The following GFOD2 variants were observed in gnomAD, a reference collection of about 807,000 sequenced individuals.
GFOD2 encodes the protein glucose-fructose oxidoreductase domain-containing protein 2.
A neutral mutation model predicts 24.6 loss-of-function variants in GFOD2; 9 were observed. The ratio of observed to expected loss-of-function variants is 0.37; its 90% CI spans 0.22 to 0.64. The LOEUF is 0.64. GFOD2 is among the 30% of genes least tolerant of loss of function. The pLI, the probability that GFOD2 is intolerant of heterozygous loss-of-function variation, is 0.65. For missense variants in GFOD2, 476 were observed against 532.5 expected (o/e 0.89, Z 1.04); for synonymous variants, 211 against 224.8 (o/e 0.94, Z 0.55).
intron 1 of GFOD2, among the ~76,000 whole-genome samples, chr16:67,698,225 C>A (rs1371260104): frequency 6.6e-6 from 1 of 152,164 alleles, no homozygotes; most frequent in African/African-American, 2.4e-5. Flanking sequence ...CTTTAGAGGA[C>A]CCCTCTCTCC....
At chr16:67,704,929 C>T (rs879552186) in intron 1 of GFOD2, among the ~76,000 whole-genome samples, 1 of 152,240 alleles carries the variant, frequency 6.6e-6, no homozygotes, top group African/African-American at 2.4e-5. Context: ...CCTGCCTCTG[C>T]TCCACAATGC....
At chr16:67,713,176 A>C (rs1455883074) in intron 1 of GFOD2, among the ~76,000 whole-genome samples, 1 of 151,642 alleles carries the variant, frequency 6.6e-6, no homozygotes, top group East Asian at 1.9e-4. Context: ...GAGCCGCCAC[A>C]CTGGCCAGAC....
chr16:67,692,947 G>A (rs1243555118), intron 1 of GFOD2, among the ~76,000 whole-genome samples: 3 of 149,818 alleles, frequency 2.0e-5, no homozygotes, highest in Admixed American at 6.6e-5. Context: ...GGAGAATGGC[G>A]TGAACCCAGG....
chr16:67,687,653 A>AG (rs2053278437), intron 1 of GFOD2, among the ~76,000 whole-genome samples: 2 of 150,586 alleles, frequency 1.3e-5, no homozygotes, highest in African/African-American at 4.9e-5. Context: ...AAAAAAAAAA[A>AG]AAAAAGAAAA....
chr16:67,700,031 C>T lies in GFOD2; in HGVS notation c.-87-14229G>A, dbSNP rs1299199348. On this transcript the variant is annotated intron_variant, in intron 1 of 2. Coordinates refer to ENST00000268797, the MANE Select transcript of GFOD2 (RefSeq NM_030819.4). The stretch of plus-strand genomic sequence containing the variant: ...TGGAGGTTGCAGTGAGCCATTTTTG[C>T]ACCACTACACTTCAGCCTGGGCAAC... Among the ~76,000 whole-genome samples, 4 of 151,908 alleles carry T rather than the reference C, an allele frequency of 2.6e-5. No individual in the cohort carries two copies. In the East Asian group the frequency reaches 7.8e-4, roughly 29 times the overall value.
chr16:67,687,406 C>T (rs1045623645), intron 1 of GFOD2, among the ~76,000 whole-genome samples: 4 of 151,346 alleles, frequency 2.6e-5, no homozygotes, highest in African/African-American at 7.3e-5. Flanking sequence ...TTTGGGAGGC[C>T]GAGGCGGGCG....
intron 1 of GFOD2, among the ~76,000 whole-genome samples, chr16:67,716,787 G>A (rs1465279157): frequency 6.6e-6 from 1 of 152,120 alleles, no homozygotes; most frequent in African/African-American, 2.4e-5. Context: ...AACTCCTGAG[G>A]TATTTATACA....
At chr16:67,709,995 G>C (rs148803827) in intron 1 of GFOD2, among the ~76,000 whole-genome samples, 1,767 of 152,086 alleles carry the variant, frequency 0.012, 29 homozygotes, top group African/African-American at 0.035. Flanking sequence ...ACCCAGGCTG[G>C]AGTGCAGTGG....
rs2053242667 is a variant in GFOD2, at chr16:67,683,415, A to C, written c.259+2042T>G. 3 of 1,229,036 alleles carry C rather than the reference A, an allele frequency of 2.4e-6. No individual in the cohort carries two copies. The African/African-American group carries it at 4.7e-5, about 19-fold the overall frequency. 76.1% of individuals were successfully genotyped at this position (1,229,036 alleles called of 1,614,324 possible). A position where few individuals can be genotyped will look rare whatever the true frequency, so the allele number is the denominator to read the frequency against. Reference sequence around the variant, plus strand: ...TGCATTCAAGCCACAAGGGATGGCAAGGAGTCAAGTGACCAATAGCGGCTT... The same window carrying C: ...TGCATTCAAGCCACAAGGGATGGCACGGAGTCAAGTGACCAATAGCGGCTT... On this transcript the variant is annotated intron_variant, in intron 2 of 2. Transcript: ENST00000268797.
intron 1 of GFOD2, among the ~76,000 whole-genome samples, chr16:67,709,212 G>A (rs541711224): frequency 8.5e-5 from 13 of 152,108 alleles, no homozygotes; most frequent in African/African-American, 3.1e-4. Context: ...GGAGACTGGG[G>A]TGGGAGGATC....
intron 1 of GFOD2, among the ~76,000 whole-genome samples, chr16:67,693,168 G>A (rs768294327): frequency 3.3e-4 from 50 of 152,274 alleles, no homozygotes; most frequent in Middle Eastern, 3.4e-3. Context: ...ACCATCACAA[G>A]CTCCCTGATC....
At chr16:67,691,510 C>CG (rs2053313366) in intron 1 of GFOD2, among the ~76,000 whole-genome samples, 2 of 144,696 alleles carry the variant, frequency 1.4e-5, no homozygotes, top group African/African-American at 5.4e-5. Flanking sequence ...GTGCCTAGAC[C>CG]CCCCCCCAAA....
At chr16:67,698,367 T>C (rs1274741698) in intron 1 of GFOD2, among the ~76,000 whole-genome samples, 1 of 152,242 alleles carries the variant, frequency 6.6e-6, no homozygotes, top group Non-Finnish European at 1.5e-5. Flanking sequence ...ACTCACACTA[T>C]TGTGAATAAT....
intron 1 of GFOD2, among the ~76,000 whole-genome samples, chr16:67,689,037 C>T (rs1020431847): frequency 4.2e-5 from 6 of 143,292 alleles, no homozygotes; most frequent in Non-Finnish European, 9.2e-5. Flanking sequence ...CCGAGCCTGA[C>T]CTACTTTTTG....
At chr16:67,700,879 A>G (rs1225227714) in intron 1 of GFOD2, among the ~76,000 whole-genome samples, 1 of 151,284 alleles carries the variant, frequency 6.6e-6, no homozygotes, top group Admixed American at 6.6e-5. Flanking sequence ...CTAGAAAAAA[A>G]AAAAAAAATT....
chr16:67,679,948 G>T (rs906422766), intron 2 of GFOD2, among the ~76,000 whole-genome samples: 1 of 152,164 alleles, frequency 6.6e-6, no homozygotes, highest in African/African-American at 2.4e-5. Flanking sequence ...CACTTAGCTG[G>T]AGTGCAGTAG....
At chr16:67,715,539 A>T (rs2053500646) in intron 1 of GFOD2, among the ~76,000 whole-genome samples, 1 of 151,810 alleles carries the variant, frequency 6.6e-6, no homozygotes. Flanking sequence ...CTACCATTCT[A>T]ACTTTCATGA....
intron 2 of GFOD2, chr16:67,684,273 C>G (rs1442120734): frequency 6.6e-6 from 1 of 151,878 alleles, no homozygotes; most frequent in Non-Finnish European, 1.5e-5. Flanking sequence ...CTTGCAAAGC[C>G]GAGGCAGGAG....
chr16:67,684,862 G>T (rs1305808150), intron 2 of GFOD2: 1 of 990,550 alleles, frequency 1.0e-6, no homozygotes, highest in Admixed American at 5.7e-5. Flanking sequence ...CCCAGTCAGG[G>T]GCAAGAGGTT....
Sources: allele counts gnomAD v4.1 joint callset (sites outside exome capture counted in the v4.1 genomes callset), GRCh38; gene constraint gnomAD v4.1.1; transcripts MANE v1.5; gene names NCBI Gene and HGNC (gene_info 2026-07-23, HGNC 2026-07-21).